HNF1A: variants seen among roughly 807,000 people sequenced by gnomAD.
HNF1A encodes HNF1 homeobox A.
A neutral mutation model predicts 62.2 loss-of-function variants in HNF1A; 21 were observed. The observed-to-expected ratio is 0.34, with a 90% CI of 0.24 to 0.49. HNF1A has a LOEUF of 0.49. HNF1A is among the 20% of genes least tolerant of loss of function. The pLI is 0.99. For missense variants in HNF1A, 687 were observed against 832.3 expected, an observed-to-expected ratio of 0.83 and a Z score of 2.15; for synonymous variants, 374 against 366.8, an observed-to-expected ratio of 1.02 and a Z score of -0.22.
intron 2 of HNF1A, 60 bp downstream of exon 2, chr12:120,989,092 A>C: frequency 8.7e-6 from 13 of 1,497,614 alleles, no homozygotes; most frequent in Non-Finnish European, 1.2e-5. Flanking sequence ...CCCCTAACTC[A>C]TAGGTGGGGG....
intron 6 of HNF1A, chr12:120,997,028 G>A: frequency 2.0e-6 from 3 of 1,475,528 alleles, no homozygotes; most frequent in Non-Finnish European, 2.7e-6. Flanking sequence ...GCAGGGTAAG[G>A]GGGACTGATG....
chr12:120,998,447 G>A (rs1488118770), intron 7 of HNF1A: 2 of 155,466 alleles, frequency 1.3e-5, no homozygotes, highest in Admixed American at 6.2e-5. Flanking sequence ...CTCATACCAG[G>A]TTCAGGCTGG....
rs779943097 is a variant in HNF1A at position 120,978,607 on chromosome 12, GT to G, written c.-160del. The stretch of plus-strand genomic sequence containing the variant: ...CGGGCCGCTGGGGCCAGGGTTGGGG[GT>G]TGGGGGTGCCCACAGGGCTTGGCTA... On this transcript the variant is annotated 5_prime_UTR_variant, in exon 1 of 10. Coordinates refer to ENST00000257555, the MANE Select transcript of HNF1A (RefSeq NM_000545.8). The G allele has an allele frequency of 9.1e-5, 64 of 705,070 alleles. No individual in the cohort carries two copies. In the African/African-American group the frequency reaches 1.1e-3, roughly 12 times the overall value. 43.7% of individuals were successfully genotyped at this position (705,070 alleles called of 1,614,324 possible).
chr12:121,000,869 A>G (rs1225313341), intron 9 of HNF1A, 196 bp from the exon 10 acceptor site: 10 of 683,794 alleles, frequency 1.5e-5, no homozygotes, highest in Admixed American at 4.4e-5. Context: ...AGGCCACTCC[A>G]TGGGCGGCCG....
Position 120,996,774 on chromosome 12 carries a change from T to A in HNF1A, c.1309+32T>A, listed in dbSNP as rs1877125756. 3 of 1,610,654 alleles carry A rather than the reference T, an allele frequency of 1.9e-6. No homozygotes were observed. Among genetic ancestry groups the A allele is most frequent in the Non-Finnish European group, 2.5e-6 (3 of 1,178,606 alleles). ...TGGTGGGGATGGGTGGGCACCTGGG[T>A]GGGAGGCTCATGGGGCAACCGCAGA... On this transcript the variant is annotated intron_variant, in intron 6 of 9. Transcript: ENST00000257555. This position sits in a 1 kb window ranked among gnomAD's most constrained non-coding sequence, Gnocchi z 4.5.
chr12:120,992,384 A>T (rs1417417351), intron 2 of HNF1A, among the ~76,000 whole-genome samples: 1 of 152,188 alleles, frequency 6.6e-6, no homozygotes, highest in Non-Finnish European at 1.5e-5. Context: ...ATACTTGATA[A>T]TGTAAACTTT....
intron 1 of HNF1A, among the ~76,000 whole-genome samples, chr12:120,984,399 A>G (rs548638338): frequency 1.3e-5 from 2 of 152,148 alleles, no homozygotes; most frequent in Non-Finnish European, 2.9e-5. Flanking sequence ...GGACAGGGGC[A>G]CATAGAAAAT....
chr12:120,995,016 A>C (rs768800628), intron 4 of HNF1A, among the ~76,000 whole-genome samples: 1 of 148,376 alleles, frequency 6.7e-6, no homozygotes, highest in South Asian at 2.1e-4. Flanking sequence ...CATCTACTAC[A>C]TTCAACTCTA....
chr12:120,986,505 G>A (rs1176660853), intron 1 of HNF1A, among the ~76,000 whole-genome samples: 3 of 152,186 alleles, frequency 2.0e-5, no homozygotes, highest in Non-Finnish European at 4.4e-5. Context: ...TTGGAATCAC[G>A]CAGACCCAAG....
At chr12:120,990,267 G>A (rs1224959101) in intron 2 of HNF1A, among the ~76,000 whole-genome samples, 2 of 151,888 alleles carry the variant, frequency 1.3e-5, no homozygotes, top group African/African-American at 4.8e-5. Flanking sequence ...TCAGCCTCCC[G>A]AGTAGCTGGG....
chr12:120,997,717 C>A, intron 7 of HNF1A, 52 bp downstream of exon 7: 1 of 1,547,302 alleles, frequency 6.5e-7, no homozygotes, highest in Admixed American at 1.9e-5. Flanking sequence ...GGTTGGCTGT[C>A]AATGGATGCA....
intron 1 of HNF1A, among the ~76,000 whole-genome samples, chr12:120,982,061 C>CT (rs1271132360): frequency 1.3e-5 from 2 of 151,926 alleles, no homozygotes; most frequent in Non-Finnish European, 2.9e-5. Flanking sequence ...CAGCGTGTTT[C>CT]TTTTTTGTTG....
chr12:120,992,222 T>C (rs1876876119), intron 2 of HNF1A, among the ~76,000 whole-genome samples: 2 of 148,950 alleles, frequency 1.3e-5, no homozygotes, highest in African/African-American at 4.9e-5. Context: ...TCTTGACTCT[T>C]TTCTTTTTTG....
At chr12:121,000,579 T>C (rs1169307) in intron 9 of HNF1A, 131,846 of 219,442 alleles carry the variant, frequency 0.6, 41,542 homozygotes, top group East Asian at 0.87. Flanking sequence ...CTGGCAGCTC[T>C]GGGGAGTGAA....
intron 3 of HNF1A, 99 bp from the exon 4 acceptor site, chr12:120,994,065 C>T: frequency 6.6e-7 from 1 of 1,517,574 alleles, no homozygotes; most frequent in Non-Finnish European, 8.9e-7. Flanking sequence ...AGCCTCAAAC[C>T]CTCCGGCAGA....
chr12:120,997,263 A>C, intron 6 of HNF1A: 1 of 1,425,914 alleles, frequency 7.0e-7, no homozygotes, highest in Non-Finnish European at 9.1e-7. Flanking sequence ...CCACTAGCCT[A>C]GACAAAGAGC....
chr12:120,994,710 CCATCCACTCCACTCCGTCCAACTT>C, intron 4 of HNF1A, among the ~76,000 whole-genome samples: 1 of 151,580 alleles, frequency 6.6e-6, no homozygotes, highest in Non-Finnish European at 1.5e-5. Flanking sequence ...CAACTCCACT[CCATCCACTCCACTCCGTCCAACTT>C]CATCCCATCC....
intron 7 of HNF1A, chr12:120,998,280 C>CAAA: frequency 7.2e-6 from 1 of 139,840 alleles, no homozygotes; most frequent in Non-Finnish European, 1.5e-5. Flanking sequence ...AGTACTCTGC[C>CAAA]AAAAAAAAAA....
At chr12:120,979,659 T>C (rs1445040914) in intron 1 of HNF1A, 1 of 156,586 alleles carries the variant, frequency 6.4e-6, no homozygotes, top group Non-Finnish European at 1.4e-5. Context: ...CCCTTTCCTG[T>C]ATGGCCACAG....
Sources: gnomAD v4.1 joint callset for allele counts (sites outside exome capture counted in the v4.1 genomes callset) on GRCh38, gnomAD v4.1.1 for gene constraint, Gnocchi (gnomAD v3.1) non-coding constraint, MANE v1.5 for transcripts, NCBI Gene and HGNC (gene_info 2026-07-23, HGNC 2026-07-21) for gene names.